The following MYO15B variants were observed in gnomAD, a reference collection of about 807,000 sequenced individuals.
The protein encoded by MYO15B is myosin XVB pseudogene.
In MYO15B, 207 loss-of-function variants were observed where a neutral mutation model predicts 119.3. The observed-to-expected ratio is 1.73, with a 90% CI of 1.55 to 1.95. MYO15B has a LOEUF of 1.95. MYO15B is among the 30% of genes most tolerant of loss of function. MYO15B has a pLI of 0.00. For synonymous variants in MYO15B, 966 were observed against 498.9 expected (o/e 1.94, Z -12.48); for missense variants, 2,264 against 1,203.1 (o/e 1.88, Z -13.04).
chr17:75,601,993 G>A (rs934038870), intron 15 of MYO15B, among the ~76,000 whole-genome samples: 8 of 152,092 alleles, frequency 5.3e-5, no homozygotes, highest in Non-Finnish European at 5.9e-5. Flanking sequence ...TCCCCCTTCC[G>A]AGTTCTATGC....
rs771438621 is a variant in MYO15B, at chr17:75,621,576, T to C, written c.8005+6T>C. On this transcript the variant is annotated splice_donor_region_variant and intron_variant, in intron 52 of 63. Coordinates refer to ENST00000645453, the Ensembl canonical transcript of MYO15B. The stretch of plus-strand genomic sequence containing the variant: ...GGCTGTAGCCAGCTTCCTGGGTGAG[T>C]GGCCACAGGCATCCTGGGTCCCCAT... 2 of 700,618 alleles carry C rather than the reference T, an allele frequency of 2.9e-6. No individual in the cohort carries two copies. The highest frequency in any genetic ancestry group is 5.2e-6 in the Non-Finnish European group (2 of 383,104). The allele number at this position is 700,618 out of a possible 1,614,324, so 43.4% of individuals were successfully genotyped here. A position where few individuals can be genotyped will look rare whatever the true frequency, so the allele number is the denominator to read the frequency against.
At chr17:75,621,965 A>G in intron 52 of MYO15B, 39 bp from the exon 53 acceptor site, 1 of 701,870 alleles carries the variant, frequency 1.4e-6, no homozygotes, top group South Asian at 1.5e-5. Context: ...GCCCCAGCAC[A>G]GCCCCAGCTA....
chr17:75,609,855 T>C (rs1315435228), intron 21 of MYO15B, among the ~76,000 whole-genome samples: 1 of 151,796 alleles, frequency 6.6e-6, no homozygotes, highest in Non-Finnish European at 1.5e-5. Context: ...ACAGGTGTGC[T>C]GTAATTTTTG....
chr17:75,611,493 G>A (rs1284442596), intron 23 of MYO15B, 108 bp from the exon 24 acceptor site: 9 of 621,388 alleles, frequency 1.4e-5, no homozygotes, highest in African/African-American at 9.6e-5. Context: ...AAAAAAATCC[G>A]TGGTCTTTGG....
At chr17:75,618,895 C>G (rs1208044594) in intron 43 of MYO15B, among the ~76,000 whole-genome samples, 1 of 152,204 alleles carries the variant, frequency 6.6e-6, no homozygotes. Context: ...CACGGGGTCT[C>G]TGGGCAGTGA....
rs2147905528 is a variant in MYO15B, at chr17:75,606,202, G to C, written c.4292+181G>C. The C allele has an allele frequency of 6.0e-6, 3 of 500,704 alleles. No individual in the cohort carries two copies. In the East Asian group the frequency reaches 9.4e-5, roughly 16 times the overall value. 31.0% of individuals were successfully genotyped at this position (500,704 alleles called of 1,614,324 possible). On this transcript the variant is annotated intron_variant, in intron 21 of 63. Transcript: ENST00000645453. ...TACCCCCCATACCCGTGCAGCCTCT[G>C]CTTGAATACCCCGGCCACAAGAAAC...
At chr17:75,602,457 C>T (rs1009745268) in intron 15 of MYO15B, 60 bp from the exon 16 acceptor site, 5 of 702,870 alleles carry the variant, frequency 7.1e-6, no homozygotes, top group Admixed American at 4.0e-5. Flanking sequence ...GCCTCCCCTC[C>T]TTGGTTCCTG....
At chr17:75,625,223 G>T (rs1192426273) in exon 60 of MYO15B, 1 of 702,052 alleles carries the variant, frequency 1.4e-6, no homozygotes, top group Admixed American at 2.0e-5. Context: ...AAGGCCAACA[G>T]GAATACCCCC....
intron 45 of MYO15B, 63 bp from the exon 46 acceptor site, chr17:75,619,618 C>T (rs1227336195): frequency 1.4e-6 from 1 of 697,156 alleles, no homozygotes. Context: ...CTGGGCAGCT[C>T]CAGGGCATCT....
Position 75,589,488 on chromosome 17 carries a change from C to T in MYO15B, c.1431C>T (p.Gly477=). Reference sequence around the variant, plus strand: ...GGGGTCACGAGAGAGGTGACGAGGGCCGGGACCACCAGAGAGGGTACGAGG... The same window carrying T: ...GGGGTCACGAGAGAGGTGACGAGGGTCGGGACCACCAGAGAGGGTACGAGG... The change falls in exon 1 of 64, where the codon GGC becomes GGT. Residue 477 remains glycine (G), a synonymous_variant. Coordinates refer to ENST00000645453, the Ensembl canonical transcript of MYO15B. The surrounding 1 kb of genome is among the most constrained non-coding windows in gnomAD (Gnocchi z 4.2). The T allele has an allele frequency of 2.5e-6, 1 of 396,004 alleles. No homozygotes were observed. The highest frequency in any genetic ancestry group is 4.4e-6 in the Non-Finnish European group (1 of 225,378). 24.5% of individuals were successfully genotyped at this position (396,004 alleles called of 1,614,324 possible).
At chr17:75,602,003 C>T (rs1051437224) in intron 15 of MYO15B, among the ~76,000 whole-genome samples, 4 of 152,074 alleles carry the variant, frequency 2.6e-5, no homozygotes, top group Non-Finnish European at 5.9e-5. Flanking sequence ...GAGTTCTATG[C>T]CTACCAAGAA....
At position 75,594,667 on chromosome 17, in the gene MYO15B, C is replaced by T. The variant is rs73366121; in HGVS notation, c.3106-34C>T. ...AGTAAGCACCATGAGGGCTGCAGGC[C>T]TGACACACCAGCTGTGCCTCCTCTG... is the stretch of plus-strand genomic sequence containing the variant. On this transcript the variant is annotated intron_variant, in intron 10 of 63. Coordinates refer to ENST00000645453, the Ensembl canonical transcript of MYO15B. 8,936 of 702,314 alleles carry T rather than the reference C, an allele frequency of 0.013. 533 individuals are homozygous for T. The African/African-American group carries it at 0.13, about 10-fold the overall frequency. The allele number at this position is 702,314 out of a possible 1,614,324, so 43.5% of individuals were successfully genotyped here.
intron 29 of MYO15B, 199 bp downstream of exon 29, chr17:75,613,976 A>G: frequency 1.7e-6 from 1 of 598,328 alleles, no homozygotes; most frequent in East Asian, 2.8e-5. Context: ...ATTCTAACTC[A>G]GCAGGTCAGA....
exon 12 of MYO15B, chr17:75,594,848 T>C: frequency 1.4e-6 from 1 of 703,024 alleles, no homozygotes. Flanking sequence ...AGGGACGCCC[T>C]GGCCAAGGCA....
intron 21 of MYO15B, 48 bp downstream of exon 21, chr17:75,606,069 G>A: frequency 6.3e-6 from 4 of 635,442 alleles, no homozygotes; most frequent in Non-Finnish European, 1.2e-5. Context: ...GTGAGGCCGT[G>A]GGTTCGTCCT....
intron 53 of MYO15B, among the ~76,000 whole-genome samples, chr17:75,623,238 C>A (rs554116960): frequency 6.6e-6 from 1 of 151,788 alleles, no homozygotes; most frequent in Non-Finnish European, 1.5e-5. Flanking sequence ...GCAGGAGAAT[C>A]GCTAGAACCC....
rs768243931 is a variant in MYO15B, at chr17:75,605,770, G to A, written c.4135-94G>A. The A allele has an allele frequency of 6.2e-6, 4 of 648,312 alleles. No homozygotes were observed. In the South Asian group the frequency reaches 6.7e-5, roughly 11 times the overall value. The allele number at this position is 648,312 out of a possible 1,614,324, so 40.2% of individuals were successfully genotyped here. A position where few individuals can be genotyped will look rare whatever the true frequency, so the allele number is the denominator to read the frequency against. ...GGACGGCAGGGCCAGAAGAACAAAT[G>A]GTTTGGCTGGAAGGGAGGAGGCTGA... is the stretch of plus-strand genomic sequence containing the variant. On this transcript the variant is annotated intron_variant, in intron 20 of 63. Coordinates refer to ENST00000645453, the Ensembl canonical transcript of MYO15B.
intron 28 of MYO15B, 86 bp from the exon 29 acceptor site, chr17:75,613,619 A>T: frequency 1.5e-6 from 1 of 660,378 alleles, no homozygotes; most frequent in Non-Finnish European, 2.7e-6. Context: ...CCTGCTTTTG[A>T]AACTCTCATG....
chr17:75,608,662 G>A (rs1434640822), intron 21 of MYO15B, among the ~76,000 whole-genome samples: 1 of 151,814 alleles, frequency 6.6e-6, no homozygotes, highest in East Asian at 2.0e-4. Flanking sequence ...GGTTTCAAGT[G>A]ATTTCGTGCC....
Sources: gnomAD v4.1 joint callset for allele counts (sites outside exome capture counted in the v4.1 genomes callset) on GRCh38, gnomAD v4.1.1 for gene constraint, Gnocchi (gnomAD v3.1) non-coding constraint, MANE v1.5 for transcripts, NCBI Gene and HGNC (gene_info 2026-07-23, HGNC 2026-07-21) for gene names.